Variants in LY75 observed in about 807,000 individuals in gnomAD.
LY75 encodes the protein lymphocyte antigen 75.
LY75 carries 185 observed loss-of-function variants against 231.7 expected under a neutral mutation model. That is an observed-to-expected ratio of 0.80 (90% CI 0.71 to 0.90). The LOEUF is 0.90. LY75 is among the 40% of genes least tolerant of loss of function. The pLI, the probability that LY75 is intolerant of heterozygous loss-of-function variation, is 0.00. For synonymous variants in LY75, 668 were observed against 689.0 expected, an observed-to-expected ratio of 0.97 and a Z score of 0.48; for missense variants, 1,947 against 2,050.2, an observed-to-expected ratio of 0.95 and a Z score of 0.97.
intron 23 of LY75, among the ~76,000 whole-genome samples, chr2:159,848,600 T>C (rs909448015): frequency 1.3e-5 from 2 of 152,138 alleles, no homozygotes; most frequent in Non-Finnish European, 2.9e-5. Flanking sequence ...AAACTACTTA[T>C]GATATAATAC....
At chr2:159,891,504 G>T (rs777862881) in intron 3 of LY75, among the ~76,000 whole-genome samples, 12 of 152,314 alleles carry the variant, frequency 7.9e-5, no homozygotes, top group Middle Eastern at 3.4e-3. Context: ...TGGGATGGCA[G>T]TGTGTTTGCT....
chr2:159,830,039 A>T (rs1683600374), intron 28 of LY75, among the ~76,000 whole-genome samples: 1 of 152,154 alleles, frequency 6.6e-6, no homozygotes. Flanking sequence ...TCTCCATTTT[A>T]ATTCAAGGGT....
chr2:159,810,268 A>G (rs961839385), intron 32 of LY75, among the ~76,000 whole-genome samples: 1 of 148,850 alleles, frequency 6.7e-6, no homozygotes, highest in Non-Finnish European at 1.5e-5. Flanking sequence ...TCTTGACCTC[A>G]TGATCTGCCC....
chr2:159,884,680 C>T (rs948546120), intron 6 of LY75, among the ~76,000 whole-genome samples: 5 of 152,152 alleles, frequency 3.3e-5, no homozygotes, highest in Non-Finnish European at 5.9e-5. Context: ...CAGTGGTTCT[C>T]AGACTTGAAT....
chr2:159,858,517 A>G, intron 15 of LY75, 41 bp from the exon 16 acceptor site: 1 of 1,583,248 alleles, frequency 6.3e-7, no homozygotes, highest in Non-Finnish European at 8.6e-7. Context: ...TGAAGTTGAT[A>G]CATCCCTTAT....
At position 159,879,388 on chromosome 2, in the gene LY75, A is replaced by G; in HGVS notation, c.1405-19T>C. 1 of 1,611,828 alleles carries G rather than the reference A, an allele frequency of 6.2e-7. No individual in the cohort carries two copies. Among genetic ancestry groups the G allele is most frequent in the East Asian group, 2.2e-5 (1 of 44,832 alleles). On this transcript the variant is annotated intron_variant, in intron 8 of 34. Transcript: ENST00000263636. ...GACCTAGCTTTGAAAGGAGACAAAA[A>G]CATTTGCTTGGAAAGGAAATTATTT...
In LY75 at chr2:159,853,143, C is replaced by T. The variant is rs74970659; in HGVS notation, c.2743+130G>A. ...GCATTGGGAATTTGAGCTATTGTTG[C>T]TAATAATAAATCAGAATAAGATGAA... is the stretch of plus-strand genomic sequence containing the variant. On this transcript the variant is annotated intron_variant, in intron 20 of 34. Transcript: ENST00000263636. The T allele has an allele frequency of 2.9e-3, 2,725 of 928,314 alleles. 46 individuals carry two copies. The African/African-American group carries it at 0.04, about 14-fold the overall frequency. 57.5% of individuals were successfully genotyped at this position (928,314 alleles called of 1,614,324 possible). A position where few individuals can be genotyped will look rare whatever the true frequency, so the allele number is the denominator to read the frequency against.
In LY75 at chr2:159,904,651, G is replaced by A. The variant is rs1267177776; in HGVS notation, c.32C>T (p.Pro11Leu). The change falls in exon 1 of 35, where the codon CCG becomes CTG. Residue 11 changes from proline to leucine, a missense_variant. Physicochemically the swap from Pro to Leu is moderately conservative, Grantham distance 98. Coordinates refer to ENST00000263636, the MANE Select transcript of LY75 (RefSeq NM_002349.4). MRTGWATPRR[P>L]AGLLMLLFWF... Reference sequence around the variant, plus strand: ...GAAGAGCAGCATGAGGAGCCCCGCCGGGCGGCGAGGGGTCGCCCAGCCTGT... The same window carrying A: ...GAAGAGCAGCATGAGGAGCCCCGCCAGGCGGCGAGGGGTCGCCCAGCCTGT... The A allele has an allele frequency of 1.3e-6, 2 of 1,491,376 alleles. No individual in the cohort carries two copies. The highest frequency in any genetic ancestry group is 2.3e-5 in the Admixed American group (1 of 44,330). The allele number at this position is 1,491,376 out of a possible 1,614,324, so 92.4% of individuals were successfully genotyped here.
At position 159,898,855 on chromosome 2, in the gene LY75, C is replaced by T; in HGVS notation, c.299G>A (p.Cys100Tyr). The change falls in exon 2 of 35, where the codon TGT becomes TAT. Residue 100 changes from cysteine (C) to tyrosine (Y), a missense_variant. Transcript: ENST00000263636. Reference protein sequence around the residue: ...KSVNELRMFSCDSSAMLWWKC... With the variant: ...KSVNELRMFSYDSSAMLWWKC... ...CCACCACAGCATGGCACTGGAGTCA[C>T]AGCTGAACATTCTCAGCTCATTTAC... is the stretch of plus-strand genomic sequence containing the variant. The T allele has an allele frequency of 6.2e-7, 1 of 1,614,226 alleles. No homozygotes were observed. The highest frequency in any genetic ancestry group is 8.5e-7 in the Non-Finnish European group (1 of 1,180,038).
Position 159,890,385 on chromosome 2 carries a change from T to A in LY75, c.638-8A>T. On this transcript the variant is annotated splice_region_variant and splice_polypyrimidine_tract_variant and intron_variant, in intron 3 of 34. Transcript: ENST00000263636. ...TATCTTCACAACCGTTTTCTGTTGA[T>A]AAAGACACGTTAGTGATCATAAAGT... is the stretch of plus-strand genomic sequence containing the variant. 6.2e-7 allele frequency: 1 copy of A among 1,612,544 alleles called. No individual in the cohort carries two copies.
rs371844664 is a variant in LY75, at chr2:159,890,307, C to A, written c.708G>T (p.Thr236=). The change falls in exon 4 of 35, where the codon ACG becomes ACT. Residue 236 remains threonine, a synonymous_variant. Transcript: ENST00000263636. The part of the protein sequence containing the change: ...FGSCYQFNTQ[T]ALSWKEAYVS... ...CATAAGCTTCTTTCCAAGAAAGAGC[C>A]GTCTGAGTATTAAATTGGTAGCAAC... 2.5e-6 allele frequency: 4 copies of A among 1,613,428 alleles called. No individual in the cohort carries two copies. In the South Asian group the frequency reaches 4.4e-5, roughly 18 times the overall value.
chr2:159,814,690 A>AAAAAGAAAAGAAAAGAAAGGAAAAG (rs1683063388), intron 31 of LY75, among the ~76,000 whole-genome samples: 1 of 151,268 alleles, frequency 6.6e-6, no homozygotes, highest in Non-Finnish European at 1.5e-5. Flanking sequence ...TAAGAAAAGA[A>AAAAAGAAAAGAAAAGAAAGGAAAAG]AAAAGAAAAG....
intron 23 of LY75, among the ~76,000 whole-genome samples, chr2:159,843,000 T>A (rs1386044100): frequency 6.6e-6 from 1 of 151,666 alleles, no homozygotes; most frequent in African/African-American, 2.4e-5. Flanking sequence ...AAAAATGAAC[T>A]AAAATAATTA....
chr2:159,859,969 G>A (rs60661880), intron 15 of LY75, among the ~76,000 whole-genome samples: 5,240 of 152,082 alleles, frequency 0.034, 256 homozygotes, highest in East Asian at 0.16. Flanking sequence ...CTTGTATTTC[G>A]CATGTCATAG....
chr2:159,814,085 T>C (rs1444023870), intron 31 of LY75: 3 of 152,184 alleles, frequency 2.0e-5, no homozygotes, highest in African/African-American at 7.2e-5. Context: ...CCGTTCAAGA[T>C]TCTTCAGAGC....
intron 29 of LY75, among the ~76,000 whole-genome samples, chr2:159,817,746 T>C (rs1683163422): frequency 6.6e-6 from 1 of 152,076 alleles, no homozygotes. Flanking sequence ...AATAAATGAC[T>C]GAATAAATTT....
chr2:159,879,243 T>C lies in LY75; in HGVS notation c.1515+16A>G. 5.0e-6 allele frequency: 8 copies of C among 1,603,782 alleles called. No individual in the cohort carries two copies. The highest frequency in any genetic ancestry group is 5.9e-6 in the Non-Finnish European group (7 of 1,177,666). On this transcript the variant is annotated intron_variant, in intron 9 of 34. Transcript: ENST00000263636. ...GTAATACTGCTTGAGAAAATTTACA[T>C]AGGGATTTTACCTACCTCATCTGGA...
chr2:159,873,722 A>T (rs1253771361), intron 12 of LY75, among the ~76,000 whole-genome samples: 1 of 148,580 alleles, frequency 6.7e-6, no homozygotes, highest in Non-Finnish European at 1.5e-5. Context: ...TACATATAAT[A>T]AAAATACACA....
chr2:159,835,053 G>A (rs7595673), intron 26 of LY75, among the ~76,000 whole-genome samples: 22,005 of 152,132 alleles, frequency 0.14, 1,882 homozygotes, highest in East Asian at 0.28. Flanking sequence ...CTCTATCCCC[G>A]TTTTGGGGAT....
Sources: gnomAD v4.1 joint callset for allele counts (sites outside exome capture counted in the v4.1 genomes callset) on GRCh38, gnomAD v4.1.1 for gene constraint, MANE v1.5 for transcripts, NCBI Gene and HGNC (gene_info 2026-07-23, HGNC 2026-07-21) for gene names.